SCAMP4: variants seen among roughly 807,000 people sequenced by gnomAD.
The protein encoded by SCAMP4 is secretory carrier membrane protein 4, also known as secretory carrier-associated membrane protein 4.
A neutral mutation model predicts 32.1 loss-of-function variants in SCAMP4; 19 were observed. The ratio of observed to expected loss-of-function variants is 0.59; its 90% CI spans 0.41 to 0.87. The LOEUF (loss-of-function observed/expected upper bound fraction) is 0.87, where lower values mean the gene tolerates loss of function less well. SCAMP4 is among the 40% of genes least tolerant of loss of function. The pLI is 0.00. For synonymous variants in SCAMP4, 152 were observed against 132.7 expected (o/e 1.15, Z -1.00); for missense variants, 302 against 309.0 (o/e 0.98, Z 0.17).
rs144595321 is a variant in SCAMP4, at chr19:1,918,194, G to A, written c.204G>A (p.Gly68=). 15,787 of 1,612,518 alleles carry A rather than the reference G, an allele frequency of 9.8e-3. 110 individuals carry two copies. Among genetic ancestry groups the A allele is most frequent in the Non-Finnish European group, 0.012 (13,673 of 1,179,826 alleles). ...CLAWWIGGGS[G]TNFGLAFVWL... is the part of the protein sequence containing the mutation. ...CCTGGTGGATCGGCGGAGGCTCGGG[G>A]ACCAACTTCGGCCTGGCCTTCGTGT... Residue 68 remains glycine, a synonymous_variant, in exon 4 of 7, where the codon GGG becomes GGA. Coordinates refer to ENST00000316097, the MANE Select transcript of SCAMP4 (RefSeq NM_079834.4).
chr19:1,924,056 G>A lies in SCAMP4; in HGVS notation c.514-52G>A, dbSNP rs369617502. ...ATGACAGGCGTGAGTCCCCGTGCCC[G>A]GCCGCCATGCTCATTTTCTGTCTTC... On this transcript the variant is annotated intron_variant, in intron 6 of 6. Transcript: ENST00000316097. 659 of 1,532,380 alleles carry A rather than the reference G, an allele frequency of 4.3e-4. 8 individuals carry two copies. Among genetic ancestry groups the A allele is most frequent in the African/African-American group, 3.3e-3 (240 of 73,132 alleles). 94.9% of individuals were successfully genotyped at this position (1,532,380 alleles called of 1,614,324 possible).
At chr19:1,918,021 C>T in intron 3 of SCAMP4, 106 bp from the exon 4 acceptor site, 2 of 1,439,694 alleles carry the variant, frequency 1.4e-6, no homozygotes, top group South Asian at 2.6e-5. Flanking sequence ...GACATGGGGT[C>T]ACTGGGCTGG....
chr19:1,922,883 T>G (rs1429904280), intron 5 of SCAMP4, 187 bp from the exon 6 acceptor site: 8 of 1,332,994 alleles, frequency 6.0e-6, no homozygotes, highest in Non-Finnish European at 6.7e-6. Context: ...TAAGGTCGTA[T>G]TCACGCGTTG....
At chr19:1,918,649 C>T (rs1375145633) in intron 4 of SCAMP4, 1 of 592,746 alleles carries the variant, frequency 1.7e-6, no homozygotes, top group Non-Finnish European at 2.8e-6. Flanking sequence ...ATAATCCCAG[C>T]TACTCAGGAG....
Position 1,924,462 on chromosome 19 carries a change from A to G in SCAMP4, c.*178A>G, listed in dbSNP as rs919734005. The G allele has an allele frequency of 1.3e-5, 8 of 609,576 alleles. No individual in the cohort carries two copies. The highest frequency in any genetic ancestry group is 1.1e-4 in the African/African-American group (6 of 54,082). 37.8% of individuals were successfully genotyped at this position (609,576 alleles called of 1,614,324 possible). ...GGGCCACAGAACCCGTGTTCATCTC[A>G]TCCGAGAGCGGAGTTCCTCACAAGC... On this transcript the variant is annotated 3_prime_UTR_variant, in exon 7 of 7. Coordinates refer to ENST00000316097, the MANE Select transcript of SCAMP4 (RefSeq NM_079834.4).
intron 1 of SCAMP4, among the ~76,000 whole-genome samples, chr19:1,907,600 TTAGA>T (rs938624762): frequency 1.3e-5 from 2 of 152,042 alleles, no homozygotes; most frequent in Admixed American, 6.6e-5. Flanking sequence ...ATCTGTGGGC[TTAGA>T]TAAAGGCCTC....
intron 5 of SCAMP4, chr19:1,921,036 G>T (rs1048738772): frequency 1.0e-5 from 10 of 985,326 alleles, no homozygotes; most frequent in Non-Finnish European, 1.2e-5. Flanking sequence ...AAGAAACCCA[G>T]CGGGTCTTAG....
intron 1 of SCAMP4, among the ~76,000 whole-genome samples, chr19:1,910,250 T>A (rs144509630): frequency 4.6e-5 from 7 of 152,294 alleles, no homozygotes; most frequent in African/African-American, 1.4e-4. Flanking sequence ...GGCATCTGCT[T>A]GCAACTCACG....
At position 1,905,633 on chromosome 19, in the gene SCAMP4, TGCGCGCGCGCGC is replaced by T. The variant is rs201231677; in HGVS notation, c.-42+198_-42+209del. On this transcript the variant is annotated intron_variant, in intron 1 of 6. Coordinates refer to ENST00000316097, the MANE Select transcript of SCAMP4 (RefSeq NM_079834.4). ...CGCGGGGAGGCGGCGCGAATGCGCG[TGCGCGCGCGCGC>T]GCGGCGCTGGCCTGGGGGAAGCCTC... is the stretch of plus-strand genomic sequence containing the variant. 24 of 159,186 alleles carry T rather than the reference TGCGCGCGCGCGC, an allele frequency of 1.5e-4. 6 individuals carry two copies. The South Asian group carries it at 1.6e-3, about 11-fold the overall frequency. The allele number at this position is 159,186 out of a possible 1,614,324, so 9.9% of individuals were successfully genotyped here. A position where few individuals can be genotyped will look rare whatever the true frequency, so the allele number is the denominator to read the frequency against.
At chr19:1,906,880 G>A in intron 1 of SCAMP4, 1 of 145,092 alleles carries the variant, frequency 6.9e-6, no homozygotes, top group Non-Finnish European at 1.5e-5. Context: ...GTGTGTGTGT[G>A]TGTGTGTGTA....
chr19:1,924,589 C>T lies in SCAMP4; in HGVS notation c.*305C>T, dbSNP rs2014040298. 2 of 383,026 alleles carry T rather than the reference C, an allele frequency of 5.2e-6. No individual in the cohort carries two copies. The highest frequency in any genetic ancestry group is 1.0e-5 in the Non-Finnish European group (2 of 200,322). 23.7% of individuals were successfully genotyped at this position (383,026 alleles called of 1,614,324 possible). On this transcript the variant is annotated 3_prime_UTR_variant, in exon 7 of 7. Transcript: ENST00000316097. ...CACTGCACGGCTGGTACGGCCTTGT[C>T]TTCAGGTCTCGAGGCCTGACTCCGG... is the stretch of plus-strand genomic sequence containing the variant.
chr19:1,910,774 A>G (rs1376297247), intron 1 of SCAMP4, among the ~76,000 whole-genome samples: 2 of 148,448 alleles, frequency 1.3e-5, no homozygotes, highest in Admixed American at 1.4e-4. Flanking sequence ...ATGGGGTTTC[A>G]CCATGTTGGT....
Position 1,917,688 on chromosome 19 carries a change from C to G in SCAMP4, c.8-6C>G, listed in dbSNP as rs138069352. 1,917 of 1,613,876 alleles carry G rather than the reference C, an allele frequency of 1.2e-3. 30 individuals carry two copies. In the East Asian group the frequency reaches 0.035, roughly 30 times the overall value. Reference sequence around the variant, plus strand: ...GGTTCTGTCCGTGGGTTCTCTGTCCCTACAGAAAAGGAGAACAACTTCCCG... The same window carrying G: ...GGTTCTGTCCGTGGGTTCTCTGTCCGTACAGAAAAGGAGAACAACTTCCCG... On this transcript the variant is annotated splice_region_variant and splice_polypyrimidine_tract_variant and intron_variant, in intron 2 of 6. Coordinates refer to ENST00000316097, the MANE Select transcript of SCAMP4 (RefSeq NM_079834.4).
rs730882213 is a variant in SCAMP4, at chr19:1,912,477, G to A, written c.-41-2502G>A. 4.7e-6 allele frequency: 7 copies of A among 1,500,450 alleles called. No homozygotes were observed. The highest frequency in any genetic ancestry group is 1.8e-4 in the Middle Eastern group (1 of 5,420). The allele number at this position is 1,500,450 out of a possible 1,614,324, so 92.9% of individuals were successfully genotyped here. ...CCTGGGGCAACCCTTCCTGGTGCCC[G>A]TGCCCGCCCGGCCGCCTCTGACCAG... On this transcript the variant is annotated intron_variant, in intron 1 of 6. Coordinates refer to ENST00000316097, the MANE Select transcript of SCAMP4 (RefSeq NM_079834.4).
At chr19:1,919,688 G>A (rs1034337329) in intron 5 of SCAMP4, among the ~76,000 whole-genome samples, 3 of 151,276 alleles carry the variant, frequency 2.0e-5, no homozygotes, top group Non-Finnish European at 2.9e-5. Flanking sequence ...TAGTAGAGAC[G>A]GGGTTTCACC....
At chr19:1,918,719 G>A (rs1426241059) in intron 4 of SCAMP4, 170 bp from the exon 5 acceptor site, 10 of 1,053,390 alleles carry the variant, frequency 9.5e-6, no homozygotes, top group Admixed American at 6.0e-5. Context: ...CCGAGATCTC[G>A]ACACTGCTCT....
Position 1,908,524 on chromosome 19 carries a change from C to T in SCAMP4, c.-42+3085C>T. ...TCCATACCAGCGGGGATGTGTAGTCCAGGCTGGCAGTTCAGGATCACCCGG... is the reference window on the plus strand; with the variant it reads ...TCCATACCAGCGGGGATGTGTAGTCTAGGCTGGCAGTTCAGGATCACCCGG... On this transcript the variant is annotated intron_variant, in intron 1 of 6. Coordinates refer to ENST00000316097, the MANE Select transcript of SCAMP4 (RefSeq NM_079834.4). This position sits in a 1 kb window ranked among gnomAD's most constrained non-coding sequence, Gnocchi z 4.2. The T allele has an allele frequency of 2.1e-6, 1 of 471,152 alleles. No individual in the cohort carries two copies. Among genetic ancestry groups the T allele is most frequent in the Non-Finnish European group, 4.4e-6 (1 of 227,040 alleles). The allele number at this position is 471,152 out of a possible 1,614,324, so 29.2% of individuals were successfully genotyped here.
intron 5 of SCAMP4, chr19:1,922,063 G>A (rs1246548188): frequency 1.2e-5 from 12 of 985,454 alleles, no homozygotes; most frequent in African/African-American, 3.5e-5. Context: ...ACTGTACGTC[G>A]TGCCTGCCTT....
chr19:1,919,163 G>C (rs1385631658), intron 5 of SCAMP4, 173 bp downstream of exon 5: 1 of 1,434,040 alleles, frequency 7.0e-7, no homozygotes, highest in Non-Finnish European at 9.1e-7. Context: ...CAGCGCCCGC[G>C]TCCTCGCCAG....
Sources: allele counts gnomAD v4.1 joint callset (sites outside exome capture counted in the v4.1 genomes callset), GRCh38; gene constraint gnomAD v4.1.1; non-coding constraint Gnocchi (gnomAD v3.1); transcripts MANE v1.5; gene names NCBI Gene and HGNC (gene_info 2026-07-23, HGNC 2026-07-21).